The following FAM217A variants were observed in gnomAD, a reference collection of about 807,000 sequenced individuals.
The protein encoded by FAM217A is family with sequence similarity 217 member A.
In FAM217A, 13 loss-of-function variants were observed where a neutral mutation model predicts 18.5. That is an observed-to-expected ratio of 0.70 (90% CI 0.46 to 1.12). The LOEUF (loss-of-function observed/expected upper bound fraction) is 1.12. FAM217A is among the 50% of genes most tolerant of loss of function. FAM217A has a pLI of 0.00. For synonymous variants in FAM217A, 161 were observed against 202.8 expected (o/e 0.79, Z 1.75); for missense variants, 560 against 575.4 (o/e 0.97, Z 0.27).
chr6:4,073,823 A>G (rs1426321644), intron 4 of FAM217A, among the ~76,000 whole-genome samples: 1 of 152,166 alleles, frequency 6.6e-6, no homozygotes, highest in Non-Finnish European at 1.5e-5. Flanking sequence ...TCAGAACAAG[A>G]TATTGGTCAT....
intron 2 of FAM217A, among the ~76,000 whole-genome samples, chr6:4,084,340 A>G (rs1323329359): frequency 6.6e-6 from 1 of 152,222 alleles, no homozygotes; most frequent in East Asian, 1.9e-4. Flanking sequence ...AAAGGAAGCA[A>G]AATAAACACA....
At position 4,068,570 on chromosome 6, in the gene FAM217A, A is replaced by G; in HGVS notation, c.*126T>C. The G allele has an allele frequency of 9.4e-7, 1 of 1,068,524 alleles. No individual in the cohort carries two copies. Among genetic ancestry groups the G allele is most frequent in the Non-Finnish European group, 1.3e-6 (1 of 749,736 alleles). 66.2% of individuals were successfully genotyped at this position (1,068,524 alleles called of 1,614,324 possible). ...TTTCACAAGTTCTACTCCATATCACATCAAGCAACTGTTTGGTGATTTTGG... is the reference window on the plus strand; with the variant it reads ...TTTCACAAGTTCTACTCCATATCACGTCAAGCAACTGTTTGGTGATTTTGG... On this transcript the variant is annotated 3_prime_UTR_variant, in exon 7 of 7. Coordinates refer to ENST00000274673, the MANE Select transcript of FAM217A (RefSeq NM_173563.3).
At position 4,084,949 on chromosome 6, in the gene FAM217A, G is replaced by T. The variant is rs555361697; in HGVS notation, c.19-139C>A. ...TTAATAATACACTGCTGGCACCTAC[G>T]TGGGCTGCTGCCCGGCATAGCAGCT... On this transcript the variant is annotated intron_variant, in intron 1 of 8. Transcript: ENST00000639338. The T allele has an allele frequency of 5.0e-6, 3 of 605,600 alleles. No homozygotes were observed. In the African/African-American group the frequency reaches 5.6e-5, roughly 11 times the overall value. The allele number at this position is 605,600 out of a possible 1,614,324, so 37.5% of individuals were successfully genotyped here. A position where few individuals can be genotyped will look rare whatever the true frequency, so the allele number is the denominator to read the frequency against.
upstream of FAM217A, among the ~76,000 whole-genome samples, chr6:4,083,126 CTCT>C (rs1167609820): frequency 1.3e-5 from 2 of 152,194 alleles, no homozygotes; most frequent in Non-Finnish European, 2.9e-5. Context: ...GGCAGATGCT[CTCT>C]ATTTCAGGCA....
chr6:4,079,516 G>C, upstream of FAM217A: 1 of 878,144 alleles, frequency 1.1e-6, no homozygotes, highest in East Asian at 7.3e-5. Context: ...GGGCTTCCTT[G>C]ACCCTCCCCA....
chr6:4,085,311 A>AAAAAAAAAATAT (rs377046907), intron 1 of FAM217A, among the ~76,000 whole-genome samples: 26 of 146,438 alleles, frequency 1.8e-4, no homozygotes, highest in South Asian at 6.5e-4. Context: ...TGTAAAAAAA[A>AAAAAAAAAATAT]ATATATATAT....
At chr6:4,074,477 G>T in intron 3 of FAM217A, 21 bp from the exon 4 acceptor site, 1 of 1,584,986 alleles carries the variant, frequency 6.3e-7, no homozygotes, top group African/African-American at 1.3e-5. Context: ...TATAAAAAAT[G>T]ACAATTAATA....
intron 2 of FAM217A, among the ~76,000 whole-genome samples, chr6:4,076,949 A>G (rs865815684): frequency 1.3e-4 from 20 of 152,236 alleles, no homozygotes; most frequent in African/African-American, 1.9e-4. Context: ...AAGAATGCTC[A>G]TTAACTAAAC....
chr6:4,074,692 A>T (rs1769658245), intron 2 of FAM217A, 31 bp from the exon 3 acceptor site: 2 of 1,477,508 alleles, frequency 1.4e-6, no homozygotes, highest in African/African-American at 2.8e-5. Flanking sequence ...GGATAAACTT[A>T]ACATTAAGAA....
upstream of FAM217A, chr6:4,079,581 C>T (rs773187454): frequency 4.1e-5 from 53 of 1,286,232 alleles, no homozygotes; most frequent in Non-Finnish European, 4.6e-5. Flanking sequence ...CTGAGCTCTC[C>T]GCGACATGGC....
chr6:4,079,008 G>A lies in FAM217A; in HGVS notation c.-191C>T, dbSNP rs1456564522. The A allele has an allele frequency of 3.4e-5, 16 of 468,606 alleles. No individual in the cohort carries two copies. Among genetic ancestry groups the A allele is most frequent in the African/African-American group, 2.7e-4 (13 of 48,516 alleles). The allele number at this position is 468,606 out of a possible 1,614,324, so 29.0% of individuals were successfully genotyped here. On this transcript the variant is annotated 5_prime_UTR_variant, in exon 1 of 7. Coordinates refer to ENST00000274673, the MANE Select transcript of FAM217A (RefSeq NM_173563.3). ...CAAAGAGGGCGGCGGGCGGCTGGCGGCCTTGAGCGCAGCCCGGTCGGCAGT... is the reference window on the plus strand; with the variant it reads ...CAAAGAGGGCGGCGGGCGGCTGGCGACCTTGAGCGCAGCCCGGTCGGCAGT...
At chr6:4,078,104 A>G (rs563027077) in intron 1 of FAM217A, among the ~76,000 whole-genome samples, 2 of 132,276 alleles carry the variant, frequency 1.5e-5, no homozygotes, top group African/African-American at 6.0e-5. Flanking sequence ...CCCAGACTGG[A>G]GTGCAGTGGC....
At chr6:4,077,311 G>A (rs751219162) in intron 2 of FAM217A, 44 bp downstream of exon 2, 3 of 1,604,878 alleles carry the variant, frequency 1.9e-6, no homozygotes, top group Middle Eastern at 3.3e-4. Flanking sequence ...GTTAGCAACA[G>A]GAGCCGCTGC....
chr6:4,070,554 A>G (rs892609862), intron 6 of FAM217A, among the ~76,000 whole-genome samples: 1 of 152,220 alleles, frequency 6.6e-6, no homozygotes, highest in Non-Finnish European at 1.5e-5. Flanking sequence ...GCCATAGAAT[A>G]CTGAGTTTCT....
chr6:4,084,929 A>G, intron 1 of FAM217A: 1 of 624,850 alleles, frequency 1.6e-6, no homozygotes, highest in East Asian at 2.7e-5. Flanking sequence ...TTTAGTTAAT[A>G]ATACACTGCT....
In FAM217A at chr6:4,069,873, T is replaced by A; in HGVS notation, c.350A>T (p.His117Leu). The change falls in exon 7 of 7, where the codon CAT (histidine) becomes CTT (leucine). Residue 117 changes from histidine to leucine, a missense_variant. Transcript: ENST00000274673. ...GTTCAGAGTGAAGACCCTTATAGGA[T>A]GATTGATTACATTAAAGCCAGTTTC... ...SVETGFNVIN[H>L]PIRVFTLNHP... 6.2e-7 allele frequency: 1 copy of A among 1,602,524 alleles called. No individual in the cohort carries two copies. Among genetic ancestry groups the A allele is most frequent in the Non-Finnish European group, 8.5e-7 (1 of 1,175,590 alleles).
chr6:4,074,136 G>T (rs1217012950), intron 4 of FAM217A, among the ~76,000 whole-genome samples: 3 of 152,154 alleles, frequency 2.0e-5, no homozygotes, highest in Non-Finnish European at 2.9e-5. Context: ...ACAGGCATGA[G>T]CCACTGCACC....
intron 4 of FAM217A, among the ~76,000 whole-genome samples, chr6:4,073,822 G>A (rs1769583709): frequency 6.6e-6 from 1 of 152,120 alleles, no homozygotes; most frequent in African/African-American, 2.4e-5. Flanking sequence ...TTCAGAACAA[G>A]ATATTGGTCA....
At chr6:4,073,373 T>C (rs1769550876) in intron 5 of FAM217A, 31 bp from the exon 6 acceptor site, 3 of 1,591,416 alleles carry the variant, frequency 1.9e-6, no homozygotes, top group Non-Finnish European at 2.6e-6. Context: ...GGTAATAGTT[T>C]AGTAGCTGCA....
Sources: allele counts gnomAD v4.1 joint callset (sites outside exome capture counted in the v4.1 genomes callset), GRCh38; gene constraint gnomAD v4.1.1; transcripts MANE v1.5; gene names NCBI Gene and HGNC (gene_info 2026-07-23, HGNC 2026-07-21).